Variants in ST8SIA6 observed in about 807,000 individuals in gnomAD.
ST8SIA6 encodes ST8 alpha-N-acetyl-neuraminide alpha-2,8-sialyltransferase 6, also known as alpha-2,8-sialyltransferase 8F.
Under a neutral mutation model 33.6 loss-of-function variants are expected in ST8SIA6, and 39 were observed. The observed-to-expected ratio is 1.16, with a 90% CI of 0.90 to 1.52. The LOEUF is 1.52. ST8SIA6 is among the 40% of genes most tolerant of loss of function. The pLI is 0.00. For missense variants in ST8SIA6, 441 were observed against 443.8 expected (o/e 0.99, Z 0.06); for synonymous variants, 172 against 167.2 (o/e 1.03, Z -0.22).
At chr10:17,439,779 T>C (rs561177592) in intron 2 of ST8SIA6, among the ~76,000 whole-genome samples, 1 of 152,214 alleles carries the variant, frequency 6.6e-6, no homozygotes. Flanking sequence ...GCCAACGGCA[T>C]GTGAAGAAGA....
At chr10:17,347,399 T>G (rs1189192602) in intron 4 of ST8SIA6, among the ~76,000 whole-genome samples, 1 of 152,136 alleles carries the variant, frequency 6.6e-6, no homozygotes, top group African/African-American at 2.4e-5. Flanking sequence ...AGAAGGATGC[T>G]GACTTCTCTG....
intron 2 of ST8SIA6, among the ~76,000 whole-genome samples, chr10:17,423,481 G>T (rs913874455): frequency 2.0e-5 from 3 of 152,166 alleles, no homozygotes; most frequent in Non-Finnish European, 4.4e-5. Flanking sequence ...GCCTAGCACA[G>T]TGTGGGTTTA....
intron 3 of ST8SIA6, among the ~76,000 whole-genome samples, chr10:17,367,742 A>G (rs1440563798): frequency 1.3e-5 from 2 of 152,220 alleles, no homozygotes; most frequent in Non-Finnish European, 2.9e-5. Flanking sequence ...TTATACCATC[A>G]GTTTTTACAA....
At chr10:17,386,784 G>A (rs887351690) in intron 3 of ST8SIA6, among the ~76,000 whole-genome samples, 1 of 152,164 alleles carries the variant, frequency 6.6e-6, no homozygotes, top group South Asian at 2.1e-4. Flanking sequence ...ACAGTCTCCC[G>A]TAAACAGGAA....
chr10:17,321,379 A>G, intron 7 of ST8SIA6, 33 bp from the exon 8 acceptor site: 7 of 1,516,714 alleles, frequency 4.6e-6, no homozygotes, highest in Non-Finnish European at 6.2e-6. Flanking sequence ...TAGTAATCCC[A>G]AGAATAATAA....
At chr10:17,418,914 A>G (rs1851685321) in intron 2 of ST8SIA6, among the ~76,000 whole-genome samples, 1 of 138,452 alleles carries the variant, frequency 7.2e-6, no homozygotes, top group African/African-American at 2.7e-5. Context: ...AATCGCTTGA[A>G]CCTGGGAGGC....
intron 4 of ST8SIA6, among the ~76,000 whole-genome samples, chr10:17,355,324 T>G (rs17140705): frequency 6.6e-6 from 1 of 152,060 alleles, no homozygotes; most frequent in African/African-American, 2.4e-5. Flanking sequence ...CATGAGTATT[T>G]CAGATGCAGG....
At chr10:17,342,646 A>G (rs11596849) in intron 4 of ST8SIA6, among the ~76,000 whole-genome samples, 3,903 of 152,240 alleles carry the variant, frequency 0.026, 87 homozygotes, top group Admixed American at 0.035. Flanking sequence ...GACTTGTGAT[A>G]TATTTAGTAG....
chr10:17,386,922 T>A (rs1219530537), intron 3 of ST8SIA6: 2 of 152,264 alleles, frequency 1.3e-5, no homozygotes, highest in African/African-American at 4.8e-5. Context: ...GCCTTGCGCC[T>A]TGGGACTGGG....
chr10:17,436,020 A>G (rs1239379308), intron 2 of ST8SIA6, among the ~76,000 whole-genome samples: 1 of 152,172 alleles, frequency 6.6e-6, no homozygotes, highest in Non-Finnish European at 1.5e-5. Context: ...AAACCCAGCT[A>G]CTAAAACAAT....
chr10:17,325,507 A>G (rs1183663882), intron 6 of ST8SIA6, among the ~76,000 whole-genome samples: 1 of 151,010 alleles, frequency 6.6e-6, no homozygotes, highest in Non-Finnish European at 1.5e-5. Flanking sequence ...TAATACATAT[A>G]TGTGTATATA....
intron 4 of ST8SIA6, among the ~76,000 whole-genome samples, chr10:17,353,092 A>G (rs1006981048): frequency 6.6e-6 from 1 of 152,184 alleles, no homozygotes; most frequent in African/African-American, 2.4e-5. Flanking sequence ...AGCCCCTAGC[A>G]GAGATGATTT....
chr10:17,375,655 G>A (rs1849891050), intron 3 of ST8SIA6, among the ~76,000 whole-genome samples: 1 of 152,224 alleles, frequency 6.6e-6, no homozygotes. Flanking sequence ...CAAGGCAGAT[G>A]TTCCAAATCT....
intron 2 of ST8SIA6, among the ~76,000 whole-genome samples, chr10:17,408,698 A>G (rs191525703): frequency 3.3e-5 from 5 of 152,074 alleles, no homozygotes; most frequent in Non-Finnish European, 7.4e-5. Context: ...AAATAAATAC[A>G]TCTTCACTAA....
intron 4 of ST8SIA6, among the ~76,000 whole-genome samples, chr10:17,333,691 ATATATATATATATATATATATATATATT>A (rs1848382544): frequency 1.2e-4 from 2 of 17,196 alleles, no homozygotes; most frequent in African/African-American, 2.7e-4. Flanking sequence ...ATATATATAT[ATATATATATATATATATATATATATATT>A]TTTTTTTTTT....
At chr10:17,401,719 GC>G (rs1203095583) in intron 2 of ST8SIA6, among the ~76,000 whole-genome samples, 1 of 152,120 alleles carries the variant, frequency 6.6e-6, no homozygotes, top group African/African-American at 2.4e-5. Context: ...GGCAAAACTG[GC>G]TAGCCATATG....
intron 3 of ST8SIA6, among the ~76,000 whole-genome samples, chr10:17,387,460 G>C (rs952523813): frequency 0.012 from 1,341 of 115,784 alleles, 20 homozygotes; most frequent in Non-Finnish European, 0.019. Flanking sequence ...GGGGGGGGGG[G>C]TTCTCCATGT....
intron 4 of ST8SIA6, among the ~76,000 whole-genome samples, chr10:17,358,994 C>T (rs573160102): frequency 6.6e-6 from 1 of 152,216 alleles, no homozygotes; most frequent in Non-Finnish European, 1.5e-5. Context: ...CCAGCTACAG[C>T]CCTATAATGG....
intron 1 of ST8SIA6, 70 bp from the exon 2 acceptor site, chr10:17,453,727 C>T: frequency 8.6e-7 from 1 of 1,167,958 alleles, no homozygotes; most frequent in Non-Finnish European, 1.1e-6. Context: ...GGCTGGGAGT[C>T]GCGCTCCTTG....
Sources: gnomAD v4.1 joint callset for allele counts (sites outside exome capture counted in the v4.1 genomes callset) on GRCh38, gnomAD v4.1.1 for gene constraint, MANE v1.5 for transcripts, NCBI Gene and HGNC (gene_info 2026-07-23, HGNC 2026-07-21) for gene names.